ROBO1: variants seen among roughly 807,000 people sequenced by gnomAD.
ROBO1 encodes the protein roundabout homolog 1.
In ROBO1, 149 loss-of-function variants were observed where a neutral mutation model predicts 195.9. The ratio of observed to expected loss-of-function variants is 0.76; its 90% CI spans 0.67 to 0.87. The LOEUF is 0.87. Among genes scored for constraint, ROBO1 ranks in the 40% least tolerant of loss-of-function variants. The pLI is 0.00. For missense variants in ROBO1, 1,933 were observed against 2,068.3 expected, an observed-to-expected ratio of 0.93 and a Z score of 1.27; for synonymous variants, 816 against 733.2, an observed-to-expected ratio of 1.11 and a Z score of -1.82.
intron 3 of ROBO1, among the ~76,000 whole-genome samples, chr3:78,949,579 A>G (rs1174992832): frequency 1.3e-5 from 2 of 152,162 alleles, no homozygotes; most frequent in Non-Finnish European, 2.9e-5. Context: ...CCTAGGCAAT[A>G]CCATTCAGGA....
At chr3:79,499,708 G>T (rs913057346) in intron 2 of ROBO1, among the ~76,000 whole-genome samples, 5 of 152,166 alleles carry the variant, frequency 3.3e-5, no homozygotes, top group Admixed American at 3.3e-4. Context: ...GGACATATCA[G>T]ATAATTTACA....
chr3:78,849,866 A>ACT (rs2033936517), intron 4 of ROBO1, among the ~76,000 whole-genome samples: 1 of 151,724 alleles, frequency 6.6e-6, no homozygotes, highest in African/African-American at 2.4e-5. Flanking sequence ...ACACACACAC[A>ACT]CACACTCTTA....
intron 1 of ROBO1, among the ~76,000 whole-genome samples, chr3:79,728,763 C>A (rs1428707895): frequency 2.6e-5 from 4 of 152,044 alleles, no homozygotes; most frequent in Non-Finnish European, 4.4e-5. Flanking sequence ...AGTTAAAAAT[C>A]ATGATTTTAC....
chr3:78,795,073 T>C (rs765717254), intron 4 of ROBO1, among the ~76,000 whole-genome samples: 27 of 152,186 alleles, frequency 1.8e-4, no homozygotes, highest in Non-Finnish European at 3.1e-4. Context: ...GTTATTGATA[T>C]ATCACTGATA....
At chr3:79,522,272 C>T (rs958271068) in intron 2 of ROBO1, among the ~76,000 whole-genome samples, 3 of 151,750 alleles carry the variant, frequency 2.0e-5, no homozygotes, top group Admixed American at 2.0e-4. Context: ...CAATAGTCCC[C>T]TATTATTATC....
intron 2 of ROBO1, among the ~76,000 whole-genome samples, chr3:79,203,016 G>T (rs1013256666): frequency 2.0e-5 from 3 of 151,270 alleles, no homozygotes; most frequent in African/African-American, 7.3e-5. Context: ...TTAGTTCCTC[G>T]AGGGGAAAAA....
At position 79,479,745 on chromosome 3, in the gene ROBO1, C is replaced by T. The variant is rs1396364122; in HGVS notation, c.88+110079G>A. Among the ~76,000 whole-genome samples the T allele has an allele frequency of 2.0e-5, 3 of 152,206 alleles. No homozygotes were observed. In the East Asian group the frequency reaches 5.8e-4, roughly 29 times the overall value. On this transcript the variant is annotated intron_variant, in intron 2 of 30. Transcript: ENST00000464233. ...ATTACTTTAGTTAACAGGATGTTAT[C>T]CCTTAAAATTTATAAATACGTTATG...
At chr3:78,661,930 T>G in intron 15 of ROBO1, 63 bp downstream of exon 15, 1 of 1,536,246 alleles carries the variant, frequency 6.5e-7, no homozygotes, top group South Asian at 1.2e-5. Context: ...TTACATTTTA[T>G]ATGCATTGCA....
chr3:78,989,395 C>T (rs1043732233), intron 3 of ROBO1, among the ~76,000 whole-genome samples: 5 of 152,316 alleles, frequency 3.3e-5, no homozygotes, highest in African/African-American at 9.6e-5. Flanking sequence ...GGGTGGAACA[C>T]TTGAGGTTAG....
chr3:78,800,596 G>A lies in ROBO1; in HGVS notation c.500-53696C>T, dbSNP rs190404857. ...TTAGAAGACAGAGTCTCACCGTGTC[G>A]CCCAGGATGGAGTGCAGTGGCACAA... is the stretch of plus-strand genomic sequence containing the variant. On this transcript the variant is annotated intron_variant, in intron 4 of 30. Coordinates refer to ENST00000464233, the MANE Select transcript of ROBO1 (RefSeq NM_002941.4). Among the ~76,000 whole-genome samples the A allele has an allele frequency of 1.6e-4, 25 of 152,106 alleles. No homozygotes were observed. In the East Asian group the frequency reaches 2.3e-3, roughly 14 times the overall value.
At chr3:79,197,280 C>T (rs1476744120) in intron 2 of ROBO1, among the ~76,000 whole-genome samples, 1 of 151,900 alleles carries the variant, frequency 6.6e-6, no homozygotes, top group African/African-American at 2.4e-5. Context: ...TGAGTGACAA[C>T]ATGAAGGGTT....
chr3:78,972,217 T>A (rs1274008312), intron 3 of ROBO1, among the ~76,000 whole-genome samples: 1 of 152,192 alleles, frequency 6.6e-6, no homozygotes, highest in Non-Finnish European at 1.5e-5. Flanking sequence ...ACTTCTTGCA[T>A]GAACAAAGGG....
At chr3:79,500,661 A>C (rs1417541993) in intron 2 of ROBO1, among the ~76,000 whole-genome samples, 1 of 152,162 alleles carries the variant, frequency 6.6e-6, no homozygotes, top group Non-Finnish European at 1.5e-5. Context: ...TTCATTAATC[A>C]ATTTTCAAGT....
In ROBO1 at chr3:78,888,535, C is replaced by T. The variant is rs144696978; in HGVS notation, c.499+50066G>A. On this transcript the variant is annotated intron_variant, in intron 4 of 30. Coordinates refer to ENST00000464233, the MANE Select transcript of ROBO1 (RefSeq NM_002941.4). ...ATACACACAGACACACATATACACA[C>T]TATTTTTAGAAACTTAGTTAAAATT... Among the ~76,000 whole-genome samples the T allele has an allele frequency of 4.0e-3, 614 of 152,304 alleles. 14 individuals are homozygous for T. Among genetic ancestry groups the T allele is most frequent in the African/African-American group, 0.013 (532 of 41,574 alleles).
intron 4 of ROBO1, among the ~76,000 whole-genome samples, chr3:78,803,277 A>G (rs1295501082): frequency 1.3e-5 from 2 of 152,172 alleles, no homozygotes; most frequent in Non-Finnish European, 2.9e-5. Context: ...CAAGGGTTCA[A>G]TGCAATGTCT....
chr3:78,684,634 T>G (rs1480539813), intron 10 of ROBO1, among the ~76,000 whole-genome samples: 12 of 152,092 alleles, frequency 7.9e-5, no homozygotes, highest in Admixed American at 7.9e-4. Context: ...TAGTAGGCTG[T>G]TACAATTTCA....
chr3:79,329,647 T>C (rs2034352035), intron 2 of ROBO1, among the ~76,000 whole-genome samples: 1 of 152,222 alleles, frequency 6.6e-6, no homozygotes, highest in Non-Finnish European at 1.5e-5. Flanking sequence ...GATGCTGTTA[T>C]TATTTTTAGC....
At chr3:79,454,439 A>G (rs1302049877) in intron 2 of ROBO1, among the ~76,000 whole-genome samples, 1 of 152,120 alleles carries the variant, frequency 6.6e-6, no homozygotes, top group Admixed American at 6.6e-5. Flanking sequence ...TTACAGACGT[A>G]AACTGAAGAA....
chr3:79,580,903 T>C (rs948209695), intron 2 of ROBO1, among the ~76,000 whole-genome samples: 3 of 152,208 alleles, frequency 2.0e-5, no homozygotes, highest in Non-Finnish European at 4.4e-5. Context: ...ATACTCATTT[T>C]ATTTATGAAT....
Sources: allele counts gnomAD v4.1 joint callset (sites outside exome capture counted in the v4.1 genomes callset), GRCh38; gene constraint gnomAD v4.1.1; transcripts MANE v1.5; gene names NCBI Gene and HGNC (gene_info 2026-07-23, HGNC 2026-07-21).